DNAJC1: variants seen among roughly 807,000 people sequenced by gnomAD.
The protein encoded by DNAJC1 is dnaJ homolog subfamily C member 1.
DNAJC1 carries 58 observed loss-of-function variants against 76.6 expected under a neutral mutation model. That is an observed-to-expected ratio of 0.76 (90% CI 0.61 to 0.94). The LOEUF (loss-of-function observed/expected upper bound fraction) is 0.94. Among genes scored for constraint, DNAJC1 ranks in the 40% least tolerant of loss-of-function variants. The pLI is 0.00. For synonymous variants in DNAJC1, 258 were observed against 267.9 expected, an observed-to-expected ratio of 0.96 and a Z score of 0.36; for missense variants, 689 against 677.3, an observed-to-expected ratio of 1.02 and a Z score of -0.19.
chr10:21,945,581 GAGGATACATGT>G (rs1325430647), intron 1 of DNAJC1, among the ~76,000 whole-genome samples: 1 of 152,182 alleles, frequency 6.6e-6, no homozygotes, highest in East Asian at 1.9e-4. Flanking sequence ...GGAAAAAGGA[GAGGATACATGT>G]AGGTCTAAGT....
At chr10:21,827,013 C>G (rs1835269292) in intron 8 of DNAJC1, among the ~76,000 whole-genome samples, 1 of 151,538 alleles carries the variant, frequency 6.6e-6, no homozygotes, top group Admixed American at 6.6e-5. Context: ...TTGATGGGGA[C>G]TGCACCGAAT....
intron 1 of DNAJC1, among the ~76,000 whole-genome samples, chr10:21,941,764 A>G (rs1052436425): frequency 1.3e-5 from 2 of 152,146 alleles, no homozygotes; most frequent in Admixed American, 1.3e-4. Context: ...GCCATAAGAG[A>G]CAACCTAATA....
chr10:21,783,966 C>G (rs1466133430), intron 9 of DNAJC1, among the ~76,000 whole-genome samples: 1 of 152,190 alleles, frequency 6.6e-6, no homozygotes, highest in Non-Finnish European at 1.5e-5. Flanking sequence ...AAAACCTAGG[C>G]AATACCATTC....
intron 1 of DNAJC1, among the ~76,000 whole-genome samples, chr10:21,943,739 T>C (rs1395768586): frequency 6.6e-6 from 1 of 152,180 alleles, no homozygotes; most frequent in Non-Finnish European, 1.5e-5. Flanking sequence ...ACCCAGAGCA[T>C]AGTACCCCTG....
At chr10:22,002,549 C>T (rs1838537349) in intron 1 of DNAJC1, among the ~76,000 whole-genome samples, 1 of 152,210 alleles carries the variant, frequency 6.6e-6, no homozygotes, top group Non-Finnish European at 1.5e-5. Flanking sequence ...TCCTTTGCTG[C>T]TCAAAAAACT....
intron 1 of DNAJC1, among the ~76,000 whole-genome samples, chr10:21,939,291 G>A (rs1228701967): frequency 2.6e-5 from 4 of 152,180 alleles, no homozygotes; most frequent in African/African-American, 9.7e-5. Flanking sequence ...CAGATTCACT[G>A]AGGAAGGAAG....
chr10:21,853,686 C>T (rs1003726412), intron 8 of DNAJC1, among the ~76,000 whole-genome samples: 3 of 145,314 alleles, frequency 2.1e-5, no homozygotes, highest in African/African-American at 7.7e-5. Context: ...CCTAGCTCAT[C>T]AGGAGGCTGA....
intron 8 of DNAJC1, among the ~76,000 whole-genome samples, chr10:21,833,829 T>A (rs1835401884): frequency 6.6e-6 from 1 of 152,076 alleles, no homozygotes; most frequent in Non-Finnish European, 1.5e-5. Context: ...ATTAAAAAAA[T>A]TACCACCAAC....
At chr10:21,907,036 T>C (rs1836757528) in intron 6 of DNAJC1, among the ~76,000 whole-genome samples, 1 of 152,178 alleles carries the variant, frequency 6.6e-6, no homozygotes, top group African/African-American at 2.4e-5. Context: ...TTCATTTTGC[T>C]GTATAATAGC....
chr10:21,809,940 A>ATGTGTGTGTG (rs943995141), intron 8 of DNAJC1, among the ~76,000 whole-genome samples: 1 of 145,442 alleles, frequency 6.9e-6, no homozygotes, highest in African/African-American at 2.6e-5. Context: ...ATGGCCTTTC[A>ATGTGTGTGTG]TGTGTGTGTG....
chr10:21,977,796 G>T (rs1838089956), intron 1 of DNAJC1, among the ~76,000 whole-genome samples: 1 of 152,132 alleles, frequency 6.6e-6, no homozygotes, highest in African/African-American at 2.4e-5. Flanking sequence ...CACCTGGATA[G>T]TGAGGGTTCC....
chr10:21,777,331 T>A (rs895227361), intron 9 of DNAJC1, among the ~76,000 whole-genome samples: 11 of 152,180 alleles, frequency 7.2e-5, no homozygotes, highest in Admixed American at 3.3e-4. Flanking sequence ...ATAGGAGATA[T>A]AGAAAGAAAA....
chr10:21,883,295 C>CACACA (rs1554893891), intron 7 of DNAJC1, among the ~76,000 whole-genome samples: 58 of 149,922 alleles, frequency 3.9e-4, no homozygotes, highest in South Asian at 1.1e-3. Context: ...CACACACACA[C>CACACA]CATTTTAACT....
At chr10:21,879,303 ATTT>A (rs886182022) in intron 8 of DNAJC1, among the ~76,000 whole-genome samples, 3 of 151,986 alleles carry the variant, frequency 2.0e-5, no homozygotes, top group Non-Finnish European at 4.4e-5. Flanking sequence ...GAGCCACACA[ATTT>A]TTTTTGTTTC....
intron 8 of DNAJC1, among the ~76,000 whole-genome samples, chr10:21,814,782 T>A (rs912062905): frequency 1.3e-5 from 2 of 152,160 alleles, no homozygotes. Flanking sequence ...ATTGGATTTA[T>A]TAATAGAATG....
chr10:22,000,640 T>C (rs1044877394), intron 1 of DNAJC1, among the ~76,000 whole-genome samples: 1 of 152,242 alleles, frequency 6.6e-6, no homozygotes, highest in Non-Finnish European at 1.5e-5. Context: ...TCGAAATTCT[T>C]ATGTTGAAAT....
chr10:21,766,128 T>G, intron 10 of DNAJC1, 133 bp downstream of exon 10: 2 of 720,686 alleles, frequency 2.8e-6, no homozygotes, highest in East Asian at 2.5e-5. Flanking sequence ...CAACCCTTTT[T>G]GGAGATATGA....
At chr10:21,786,501 G>GAA (rs1564787708) in intron 9 of DNAJC1, among the ~76,000 whole-genome samples, 48 of 145,640 alleles carry the variant, frequency 3.3e-4, no homozygotes, top group Admixed American at 9.0e-4. Context: ...GAGAGAGAGA[G>GAA]ATGGAGTCTC....
At chr10:21,936,419 G>C (rs1349256010) in intron 1 of DNAJC1, among the ~76,000 whole-genome samples, 1 of 152,096 alleles carries the variant, frequency 6.6e-6, no homozygotes, top group Non-Finnish European at 1.5e-5. Flanking sequence ...ATGCATTTTG[G>C]TTAGTAACTT....
Sources: gnomAD v4.1 joint callset for allele counts (sites outside exome capture counted in the v4.1 genomes callset) on GRCh38, gnomAD v4.1.1 for gene constraint, MANE v1.5 for transcripts, NCBI Gene and HGNC (gene_info 2026-07-23, HGNC 2026-07-21) for gene names.